Variants in SLC45A1 observed in about 807,000 individuals in gnomAD.
The protein encoded by SLC45A1 is proton-associated sugar transporter A.
A neutral mutation model predicts 57.6 loss-of-function variants in SLC45A1; 28 were observed. That is an observed-to-expected ratio of 0.49 (90% CI 0.36 to 0.67). The LOEUF is 0.67. Among genes scored for constraint, SLC45A1 ranks in the 30% least tolerant of loss-of-function variants. The probability of loss-of-function intolerance (pLI) is 0.00; values close to 1 mark genes in which losing one functional copy is unlikely to be tolerated. For missense variants in SLC45A1, 814 were observed against 1,041.5 expected (o/e 0.78, Z 3.01); for synonymous variants, 459 against 471.5 (o/e 0.97, Z 0.34).
At position 8,330,865 on chromosome 1, in the gene SLC45A1, G is replaced by A. The variant is rs1464967330; in HGVS notation, c.1372G>A (p.Ala458Thr). Residue 458 changes from alanine to threonine, a missense_variant, in exon 5 of 9, where the codon GCC becomes ACC. Ala to Thr is a moderately conservative substitution (Grantham distance 58, BLOSUM62 0). Transcript: ENST00000471889. The surrounding 1 kb of genome is among the most constrained non-coding windows in gnomAD (Gnocchi z 8.4). The stretch of plus-strand genomic sequence containing the variant: ...GATTCTGAAGAGACCTCAGACCTTG[G>A]CCATCCCGGACGCAGCCGGAGGAGG... ...SGILKRPQTL[A>T]IPDAAGGGGP... 1.2e-6 allele frequency: 2 copies of A among 1,611,042 alleles called. No individual in the cohort carries two copies. Among genetic ancestry groups the A allele is most frequent in the Non-Finnish European group, 8.5e-7 (1 of 1,178,308 alleles).
At chr1:8,337,348 G>A (rs1640645686) in intron 6 of SLC45A1, among the ~76,000 whole-genome samples, 1 of 152,244 alleles carries the variant, frequency 6.6e-6, no homozygotes, top group Admixed American at 6.5e-5. Context: ...GATTATGGGA[G>A]CTACAATTAG....
In SLC45A1 at chr1:8,330,191, C is replaced by T. The variant is rs1158732791; in HGVS notation, c.716-18C>T. On this transcript the variant is annotated intron_variant, in intron 4 of 8. Coordinates refer to ENST00000471889, the MANE Select transcript of SLC45A1 (RefSeq NM_001080397.3). The surrounding 1 kb of genome is among the most constrained non-coding windows in gnomAD (Gnocchi z 8.4). ...CTCCTCCCGCAGAAGGGAACTCAAA[C>T]CCTGTCTCTTTCCCCAGGTCTCGGA... 1 of 1,608,602 alleles carries T rather than the reference C, an allele frequency of 6.2e-7. No homozygotes were observed. Among genetic ancestry groups the T allele is most frequent in the African/African-American group, 1.3e-5 (1 of 74,812 alleles).
rs113934446 is a variant in SLC45A1 at position 8,325,594 on chromosome 1, A to G, written c.490+204A>G. On this transcript the variant is annotated intron_variant, in intron 3 of 8. Transcript: ENST00000471889. This position sits in a 1 kb window ranked among gnomAD's most constrained non-coding sequence, Gnocchi z 6.3. ...TCGCTTTGATCATTTTTAAAAATTG[A>G]GTTGATAAAGTTCATCTCATTTCTT... Among the ~76,000 whole-genome samples the G allele has an allele frequency of 1.2e-4, 18 of 152,246 alleles. No individual in the cohort carries two copies. Among genetic ancestry groups the G allele is most frequent in the African/African-American group, 3.1e-4 (13 of 41,548 alleles).
Position 8,330,816 on chromosome 1 carries a change from C to T in SLC45A1, c.1323C>T (p.Asp441=), listed in dbSNP as rs762510680. 2.5e-6 allele frequency: 4 copies of T among 1,613,518 alleles called. No homozygotes were observed. Among genetic ancestry groups the T allele is most frequent in the South Asian group, 1.1e-5 (1 of 91,086 alleles). ...DGDILRVGSL[D]TSKPRSSGIL... is the part of the protein sequence containing the mutation. ...ACATTCTGAGGGTGGGCTCCTTGGACACCTCTAAGCCGAGGTCATCAGGGA... is the reference window on the plus strand; with the variant it reads ...ACATTCTGAGGGTGGGCTCCTTGGATACCTCTAAGCCGAGGTCATCAGGGA... Residue 441 remains aspartate (D), a synonymous_variant, in exon 5 of 9, where the codon GAC becomes GAT. Transcript: ENST00000471889. The surrounding 1 kb of genome is among the most constrained non-coding windows in gnomAD (Gnocchi z 8.4).
intron 8 of SLC45A1, among the ~76,000 whole-genome samples, chr1:8,342,030 G>A (rs550380822): frequency 1.6e-4 from 24 of 152,048 alleles, no homozygotes; most frequent in Admixed American, 5.2e-4. Context: ...ACACAGTGAA[G>A]CCCCTTCTCT....
chr1:8,340,636 C>A (rs1402123991), intron 8 of SLC45A1, among the ~76,000 whole-genome samples: 1 of 152,152 alleles, frequency 6.6e-6, no homozygotes, highest in Non-Finnish European at 1.5e-5. Flanking sequence ...ATCCACCTGC[C>A]GGTTTTATCA....
intron 7 of SLC45A1, among the ~76,000 whole-genome samples, chr1:8,338,511 C>A (rs543433713): frequency 6.6e-6 from 1 of 152,374 alleles, no homozygotes; most frequent in East Asian, 1.9e-4. Context: ...GAGGTGCCAT[C>A]CCCATGGGGC....
Position 8,335,295 on chromosome 1 carries a change from G to A in SLC45A1, c.1444-142G>A. On this transcript the variant is annotated intron_variant, in intron 5 of 8. Coordinates refer to ENST00000471889, the MANE Select transcript of SLC45A1 (RefSeq NM_001080397.3). This position sits in a 1 kb window ranked among gnomAD's most constrained non-coding sequence, Gnocchi z 4.1. ...TCCTCTGAGGTTGGCGTCGACACGGGGCTCATGCCGTCAGATAAGAAGACA... is the reference window on the plus strand; with the variant it reads ...TCCTCTGAGGTTGGCGTCGACACGGAGCTCATGCCGTCAGATAAGAAGACA... 1 of 796,072 alleles carries A rather than the reference G, an allele frequency of 1.3e-6. No individual in the cohort carries two copies. The highest frequency in any genetic ancestry group is 2.9e-5 in the East Asian group (1 of 34,036). The allele number at this position is 796,072 out of a possible 1,614,324, so 49.3% of individuals were successfully genotyped here.
chr1:8,333,062 G>C (rs1640466539), intron 5 of SLC45A1, among the ~76,000 whole-genome samples: 1 of 152,060 alleles, frequency 6.6e-6, no homozygotes, highest in Admixed American at 6.6e-5. Flanking sequence ...CGTGTCTCCT[G>C]AATGAAGTAG....
In SLC45A1 at chr1:8,335,311, TAAG is replaced by T. The variant is rs1640570309; in HGVS notation, c.1444-121_1444-119del. The T allele has an allele frequency of 1.1e-6, 1 of 937,230 alleles. No homozygotes were observed. Among genetic ancestry groups the T allele is most frequent in the Non-Finnish European group, 1.5e-6 (1 of 656,216 alleles). The allele number at this position is 937,230 out of a possible 1,614,324, so 58.1% of individuals were successfully genotyped here. On this transcript the variant is annotated intron_variant, in intron 5 of 8. Transcript: ENST00000471889. The surrounding 1 kb of genome is among the most constrained non-coding windows in gnomAD (Gnocchi z 4.1). ...TCGACACGGGGCTCATGCCGTCAGA[TAAG>T]AAGACAGACCCTTGCAGCCTCCGTG...
Position 8,325,945 on chromosome 1 carries a change from C to T in SLC45A1, c.618C>T (p.Ser206=), listed in dbSNP as rs755936610. 1.2e-5 allele frequency: 19 copies of T among 1,613,512 alleles called. No individual in the cohort carries two copies. Among genetic ancestry groups the T allele is most frequent in the African/African-American group, 1.1e-4 (8 of 74,920 alleles). The change falls in exon 4 of 9, where the codon AGC becomes AGT. Residue 206 remains serine, a synonymous_variant. Coordinates refer to ENST00000471889, the MANE Select transcript of SLC45A1 (RefSeq NM_001080397.3). The surrounding 1 kb of genome is among the most constrained non-coding windows in gnomAD (Gnocchi z 6.3). ...TVCGVVLMDF[S]ADSADNPSHA... is the part of the protein sequence containing the mutation. ...GCGGTGTGGTGCTGATGGACTTTAG[C>T]GCCGACTCGGCGGACAACCCCAGCC...
chr1:8,330,151 C>T lies in SLC45A1; in HGVS notation c.716-58C>T. On this transcript the variant is annotated intron_variant, in intron 4 of 8. Transcript: ENST00000471889. This position sits in a 1 kb window ranked among gnomAD's most constrained non-coding sequence, Gnocchi z 8.4. ...TCATGTCCTTCTAAGAACGGGGCCACCGCGTTTGGGGCTTCTCCTCCCGCA... is the reference window on the plus strand; with the variant it reads ...TCATGTCCTTCTAAGAACGGGGCCATCGCGTTTGGGGCTTCTCCTCCCGCA... The T allele has an allele frequency of 1.3e-6, 2 of 1,575,892 alleles. No individual in the cohort carries two copies. The highest frequency in any genetic ancestry group is 2.2e-5 in the East Asian group (1 of 44,562).
At chr1:8,324,978 G>T (rs185455550) in intron 2 of SLC45A1, among the ~76,000 whole-genome samples, 1 of 152,308 alleles carries the variant, frequency 6.6e-6, no homozygotes, top group Non-Finnish European at 1.5e-5. Flanking sequence ...GGCTCTCCTT[G>T]TTGGAGGGTC....
intron 6 of SLC45A1, 29 bp from the exon 7 acceptor site, chr1:8,337,787 G>A (rs767009280): frequency 1.4e-5 from 23 of 1,603,162 alleles, no homozygotes; most frequent in East Asian, 6.7e-5. Context: ...CTTTGCCCCC[G>A]AGGTCATGAA....
chr1:8,318,799 G>A (rs1639904157), intron 1 of SLC45A1, among the ~76,000 whole-genome samples: 1 of 152,210 alleles, frequency 6.6e-6, no homozygotes, highest in South Asian at 2.1e-4. Flanking sequence ...GGAAAGCCAC[G>A]TTCAGGCTGC....
chr1:8,328,179 A>G lies in SLC45A1; in HGVS notation c.716-2030A>G, dbSNP rs1187000038. ...TCACTGCTGCACTTGACTAGTCTTGAAAAAGAAACAGATATTGGAACAATG... is the reference window on the plus strand; with the variant it reads ...TCACTGCTGCACTTGACTAGTCTTGGAAAAGAAACAGATATTGGAACAATG... On this transcript the variant is annotated intron_variant, in intron 4 of 8. Coordinates refer to ENST00000471889, the MANE Select transcript of SLC45A1 (RefSeq NM_001080397.3). The surrounding 1 kb of genome is among the most constrained non-coding windows in gnomAD (Gnocchi z 4.6). The G allele has an allele frequency of 6.6e-6, 1 of 152,186 alleles. No homozygotes were observed. Among genetic ancestry groups the G allele is most frequent in the Non-Finnish European group, 1.5e-5 (1 of 68,036 alleles). The allele number at this position is 152,186 out of a possible 1,614,324, so 9.4% of individuals were successfully genotyped here.
rs1325107940 is a variant in SLC45A1, at chr1:8,341,600, CA to C, written c.1980+1903del. Among the ~76,000 whole-genome samples, 38 of 147,908 alleles carry C rather than the reference CA, an allele frequency of 2.6e-4. No individual in the cohort carries two copies. The Middle Eastern group carries it at 0.019, about 73-fold the overall frequency. ...GATCAGTAACAGTGCTGAGCCACCT[CA>C]TATTGGAGTCTGAGGCAAAAGGAAA... On this transcript the variant is annotated intron_variant, in intron 8 of 8. Transcript: ENST00000471889.
intron 5 of SLC45A1, among the ~76,000 whole-genome samples, chr1:8,332,968 C>T (rs1640462067): frequency 6.6e-6 from 1 of 152,208 alleles, no homozygotes; most frequent in African/African-American, 2.4e-5. Context: ...TTGCCTCATC[C>T]CTCGAGGGAG....
Position 8,318,194 on chromosome 1 carries a change from C to A in SLC45A1, c.-25+8C>A. On this transcript the variant is annotated splice_region_variant and intron_variant, in intron 1 of 8. Coordinates refer to ENST00000471889, the MANE Select transcript of SLC45A1 (RefSeq NM_001080397.3). ...TGCCGTCTCCACCCACAGGTACCAC[C>A]GTCTCCTCCGCGCCCTCCGCCCGCT... is the stretch of plus-strand genomic sequence containing the variant. 1 of 428,944 alleles carries A rather than the reference C, an allele frequency of 2.3e-6. No individual in the cohort carries two copies. The highest frequency in any genetic ancestry group is 4.3e-6 in the Non-Finnish European group (1 of 233,720). The allele number at this position is 428,944 out of a possible 1,614,324, so 26.6% of individuals were successfully genotyped here.
Sources: allele counts gnomAD v4.1 joint callset (sites outside exome capture counted in the v4.1 genomes callset), GRCh38; gene constraint gnomAD v4.1.1; non-coding constraint Gnocchi (gnomAD v3.1); transcripts MANE v1.5; gene names NCBI Gene and HGNC (gene_info 2026-07-23, HGNC 2026-07-21).